Variants in GALNTL6 observed in about 807,000 individuals in gnomAD.
The protein encoded by GALNTL6 is polypeptide N-acetylgalactosaminyltransferase like 6.
GALNTL6 carries 46 observed loss-of-function variants against 73.7 expected under a neutral mutation model. The ratio of observed to expected loss-of-function variants is 0.62; its 90% CI spans 0.49 to 0.80. The LOEUF is 0.80. Ranked by LOEUF, GALNTL6 falls within the 30% of genes least tolerant of loss-of-function variation. GALNTL6 has a pLI of 0.00. For missense variants in GALNTL6, 604 were observed against 755.0 expected (o/e 0.80, Z 2.34); for synonymous variants, 259 against 263.7 (o/e 0.98, Z 0.17).
At chr4:172,114,723 C>G (rs942059191) in intron 2 of GALNTL6, among the ~76,000 whole-genome samples, 2 of 152,000 alleles carry the variant, frequency 1.3e-5, no homozygotes, top group African/African-American at 4.8e-5. Context: ...CTTGGAAGTT[C>G]AAACACAAAT....
intron 5 of GALNTL6, among the ~76,000 whole-genome samples, chr4:172,777,685 C>G (rs183533612): frequency 6.6e-6 from 1 of 152,228 alleles, no homozygotes; most frequent in Admixed American, 6.5e-5. Context: ...GATATGGAGG[C>G]AGCAAAACCT....
intron 5 of GALNTL6, among the ~76,000 whole-genome samples, chr4:172,713,146 T>G (rs941353324): frequency 2.0e-5 from 3 of 151,686 alleles, no homozygotes; most frequent in Admixed American, 6.6e-5. Flanking sequence ...TACAAGAAAT[T>G]TAATACTGTT....
chr4:171,886,109 T>C (rs951643406), intron 2 of GALNTL6, among the ~76,000 whole-genome samples: 9 of 152,074 alleles, frequency 5.9e-5, no homozygotes, highest in South Asian at 2.1e-4. Context: ...ATTAAAAAAA[T>C]ACCATCATAA....
intron 7 of GALNTL6, among the ~76,000 whole-genome samples, chr4:172,862,751 G>A (rs963371610): frequency 6.6e-6 from 1 of 152,088 alleles, no homozygotes; most frequent in African/African-American, 2.4e-5. Flanking sequence ...AGAAATTCAA[G>A]CCAGCTTCAG....
intron 5 of GALNTL6, among the ~76,000 whole-genome samples, chr4:172,771,943 A>G (rs1738788793): frequency 6.6e-6 from 1 of 152,182 alleles, no homozygotes; most frequent in Non-Finnish European, 1.5e-5. Flanking sequence ...CTGCTGATAA[A>G]GACATACCCG....
chr4:172,240,706 T>C (rs915678866), intron 3 of GALNTL6, among the ~76,000 whole-genome samples: 4 of 152,216 alleles, frequency 2.6e-5, no homozygotes, highest in African/African-American at 9.6e-5. Context: ...AGTTTGATTC[T>C]TTCCTTAAAT....
At chr4:172,101,605 T>G (rs1441451608) in intron 2 of GALNTL6, among the ~76,000 whole-genome samples, 1 of 152,198 alleles carries the variant, frequency 6.6e-6, no homozygotes, top group Non-Finnish European at 1.5e-5. Context: ...TAAAACCATT[T>G]AATTTGCCTC....
At chr4:171,889,231 T>G (rs75924368) in intron 2 of GALNTL6, among the ~76,000 whole-genome samples, 5,236 of 152,084 alleles carry the variant, frequency 0.034, 283 homozygotes, top group African/African-American at 0.11. Flanking sequence ...ATTTCTCTGT[T>G]CAATAAAATA....
At chr4:172,062,173 C>T (rs910529717) in intron 2 of GALNTL6, among the ~76,000 whole-genome samples, 3 of 151,656 alleles carry the variant, frequency 2.0e-5, no homozygotes, top group Admixed American at 2.0e-4. Context: ...CCAGGCTTGT[C>T]TTGAATTCCT....
Position 172,000,265 on chromosome 4 carries a change from T to TCTTGGTCAG in GALNTL6, c.138+185547_138+185548insCTTGGTCAG, listed in dbSNP as rs1263748768. Among the ~76,000 whole-genome samples, 7 of 152,252 alleles carry TCTTGGTCAG rather than the reference T, an allele frequency of 4.6e-5. No individual in the cohort carries two copies. The South Asian group carries it at 1.2e-3, about 27-fold the overall frequency. On this transcript the variant is annotated intron_variant, in intron 2 of 12. Coordinates refer to ENST00000506823, the MANE Select transcript of GALNTL6 (RefSeq NM_001034845.3). ...TAATGAGGTCCGGCAGTATGGAAAATAAACTCTCCTTGGTCAGAATCTTCC... is the reference window on the plus strand; with the variant it reads ...TAATGAGGTCCGGCAGTATGGAAAATCTTGGTCAGAAACTCTCCTTGGTCAGAATCTTCC...
chr4:171,842,180 A>G (rs1378450004), intron 2 of GALNTL6, among the ~76,000 whole-genome samples: 1 of 152,140 alleles, frequency 6.6e-6, no homozygotes, highest in Non-Finnish European at 1.5e-5. Flanking sequence ...TGTTATTTAT[A>G]TAGTATACAT....
At chr4:172,737,844 C>A (rs1294905510) in intron 5 of GALNTL6, among the ~76,000 whole-genome samples, 1 of 152,186 alleles carries the variant, frequency 6.6e-6, no homozygotes, top group Admixed American at 6.5e-5. Flanking sequence ...AGGTTCATCT[C>A]AGCTCTAGTA....
At chr4:172,617,543 C>G (rs542749426) in intron 5 of GALNTL6, among the ~76,000 whole-genome samples, 5 of 152,132 alleles carry the variant, frequency 3.3e-5, no homozygotes, top group African/African-American at 1.2e-4. Context: ...GTGGCACGAT[C>G]TCAGCTCACT....
intron 5 of GALNTL6, among the ~76,000 whole-genome samples, chr4:172,557,267 T>C (rs982827998): frequency 2.0e-5 from 3 of 152,160 alleles, no homozygotes; most frequent in Non-Finnish European, 4.4e-5. Flanking sequence ...AAAGTACTTA[T>C]AGTAGTTTCC....
intron 2 of GALNTL6, among the ~76,000 whole-genome samples, chr4:172,100,788 A>G (rs1732488029): frequency 6.6e-6 from 1 of 152,116 alleles, no homozygotes; most frequent in South Asian, 2.1e-4. Flanking sequence ...TAAGTACAAT[A>G]ACCTGGTGTT....
At chr4:172,157,894 G>A (rs1459990126) in intron 2 of GALNTL6, among the ~76,000 whole-genome samples, 1 of 152,092 alleles carries the variant, frequency 6.6e-6, no homozygotes, top group Non-Finnish European at 1.5e-5. Context: ...CTTCTCCTCA[G>A]GTACATTAAA....
intron 7 of GALNTL6, among the ~76,000 whole-genome samples, chr4:172,831,245 C>T (rs1244852172): frequency 6.8e-6 from 1 of 147,162 alleles, no homozygotes; most frequent in Admixed American, 6.8e-5. Context: ...TATATGGGTG[C>T]TGGCTGTTCA....
Position 172,254,269 on chromosome 4 carries a change from A to G in GALNTL6, c.247+24505A>G, listed in dbSNP as rs372182486. ...TGCCAAAATTAGAACAACTCACACT[A>G]AAGGAAAATGAATATGTATCCCTCA... is the stretch of plus-strand genomic sequence containing the variant. On this transcript the variant is annotated intron_variant, in intron 3 of 12. Coordinates refer to ENST00000506823, the MANE Select transcript of GALNTL6 (RefSeq NM_001034845.3). 3.3e-5 allele frequency among the ~76,000 whole-genome samples: 5 copies of G among 151,974 alleles called. No homozygotes were observed. The East Asian group carries it at 9.6e-4, about 29-fold the overall frequency.
chr4:171,973,492 T>A (rs1739630024), intron 2 of GALNTL6, among the ~76,000 whole-genome samples: 2 of 152,110 alleles, frequency 1.3e-5, no homozygotes, highest in African/African-American at 4.8e-5. Context: ...TCTGTCACGT[T>A]TTCACATGGA....
Sources: allele counts gnomAD v4.1 joint callset (sites outside exome capture counted in the v4.1 genomes callset), GRCh38; gene constraint gnomAD v4.1.1; transcripts MANE v1.5; gene names NCBI Gene and HGNC (gene_info 2026-07-23, HGNC 2026-07-21).